The following CPSF3 variants were observed in gnomAD, a reference collection of about 807,000 sequenced individuals.
The protein encoded by CPSF3 is cleavage and polyadenylation specific factor 3.
A neutral mutation model predicts 84.1 loss-of-function variants in CPSF3; 57 were observed. The ratio of observed to expected loss-of-function variants is 0.68; its 90% CI spans 0.55 to 0.85. The LOEUF is 0.85. Ranked by LOEUF, CPSF3 falls within the 40% of genes least tolerant of loss-of-function variation. CPSF3 has a pLI of 0.00. For synonymous variants in CPSF3, 275 were observed against 278.1 expected, an observed-to-expected ratio of 0.99 and a Z score of 0.11; for missense variants, 522 against 838.8, an observed-to-expected ratio of 0.62 and a Z score of 4.66.
At chr2:9,427,531 C>G (rs1426655737) in intron 1 of CPSF3, among the ~76,000 whole-genome samples, 1 of 152,096 alleles carries the variant, frequency 6.6e-6, no homozygotes, top group African/African-American at 2.4e-5. Flanking sequence ...ACAATAATTA[C>G]AAATAAAAAA....
rs1236989754 is a variant in CPSF3, at chr2:9,444,864, C to A, written c.1242+1203C>A. On this transcript the variant is annotated intron_variant, in intron 10 of 17. Transcript: ENST00000238112. ...TATTTGTAGTAGAGACAGGTTTTCA[C>A]CATGTTGGCCAGGCTGTTCTCAAAC... 3.9e-5 allele frequency among the ~76,000 whole-genome samples: 6 copies of A among 152,056 alleles called. No homozygotes were observed. In the East Asian group the frequency reaches 1.2e-3, roughly 29 times the overall value.
chr2:9,454,267 G>T (rs1212795433), intron 12 of CPSF3, among the ~76,000 whole-genome samples: 6 of 151,418 alleles, frequency 4.0e-5, no homozygotes, highest in Admixed American at 3.9e-4. Context: ...AATTAGCTGG[G>T]TGTGGTGGCA....
chr2:9,466,284 GCGCA>G (rs1681936133), intron 15 of CPSF3, among the ~76,000 whole-genome samples: 1 of 104,456 alleles, frequency 9.6e-6, no homozygotes, highest in Admixed American at 9.2e-5. Context: ...GCACACACGT[GCGCA>G]CACAGACGCA....
intron 5 of CPSF3, 48 bp downstream of exon 5, chr2:9,432,736 G>C (rs1418915634): frequency 7.1e-7 from 1 of 1,403,176 alleles, no homozygotes; most frequent in East Asian, 2.4e-5. Context: ...TCAGTACAGA[G>C]CTTTGTGCCA....
chr2:9,432,876 C>A (rs1680641544), intron 5 of CPSF3, among the ~76,000 whole-genome samples, 188 bp downstream of exon 5: 1 of 151,886 alleles, frequency 6.6e-6, no homozygotes, highest in African/African-American at 2.4e-5. Flanking sequence ...ACAATACTTT[C>A]TTTATCAAGA....
chr2:9,444,652 G>A (rs545748280), intron 10 of CPSF3, among the ~76,000 whole-genome samples: 1 of 112,284 alleles, frequency 8.9e-6, no homozygotes, highest in East Asian at 2.0e-4. Flanking sequence ...TGTTTGGGGT[G>A]TTTTTTGGTT....
At chr2:9,469,258 G>C (rs1305738908) in intron 16 of CPSF3, among the ~76,000 whole-genome samples, 2 of 152,080 alleles carry the variant, frequency 1.3e-5, no homozygotes, top group African/African-American at 2.4e-5. Context: ...AAGGCTGTGG[G>C]GCGGGGGCAG....
intron 10 of CPSF3, among the ~76,000 whole-genome samples, chr2:9,447,253 G>A (rs1478178690): frequency 5.9e-5 from 9 of 152,214 alleles, no homozygotes; most frequent in Non-Finnish European, 1.2e-4. Flanking sequence ...GCCAAGATGG[G>A]CAGATCACTT....
intron 15 of CPSF3, among the ~76,000 whole-genome samples, chr2:9,466,370 A>G (rs1399139950): frequency 2.8e-5 from 4 of 141,638 alleles, no homozygotes; most frequent in Admixed American, 1.4e-4. Flanking sequence ...ACACGCACAC[A>G]CCCACGCACT....
chr2:9,446,713 C>T (rs576917267), intron 10 of CPSF3, among the ~76,000 whole-genome samples: 3 of 151,704 alleles, frequency 2.0e-5, no homozygotes, highest in South Asian at 2.1e-4. Context: ...GCCAAGATCA[C>T]GACACTGCAC....
chr2:9,443,087 C>T (rs1156906525), intron 9 of CPSF3, among the ~76,000 whole-genome samples: 1 of 152,124 alleles, frequency 6.6e-6, no homozygotes, highest in East Asian at 1.9e-4. Flanking sequence ...TGCTTGAACC[C>T]AGGAGGTCGA....
chr2:9,441,496 C>T (rs1022767422), intron 8 of CPSF3, among the ~76,000 whole-genome samples: 3 of 152,148 alleles, frequency 2.0e-5, no homozygotes, highest in African/African-American at 7.2e-5. Flanking sequence ...GATCAAGACC[C>T]ATTTGACTCT....
chr2:9,446,580 CAA>C (rs71389245), intron 10 of CPSF3, among the ~76,000 whole-genome samples: 1,186 of 89,132 alleles, frequency 0.013, 17 homozygotes, highest in African/African-American at 0.048. Flanking sequence ...GACTCGGTCT[CAA>C]AAAAAAAAAA....
intron 7 of CPSF3, among the ~76,000 whole-genome samples, chr2:9,437,263 G>A (rs1299035797): frequency 1.3e-5 from 2 of 152,120 alleles, no homozygotes; most frequent in African/African-American, 4.8e-5. Context: ...AATGAGCCAG[G>A]TGTGGTGGCA....
rs550962128 is a variant in CPSF3 at position 9,467,701 on chromosome 2, T to A, written c.1787-6T>A. Reference sequence around the variant, plus strand: ...CTGAACTCTCTGTCGCTTTTTTTTTTCCCAGGTGCAGTACAGAAGGTTTCT... The same window carrying A: ...CTGAACTCTCTGTCGCTTTTTTTTTACCCAGGTGCAGTACAGAAGGTTTCT... On this transcript the variant is annotated splice_region_variant and splice_polypyrimidine_tract_variant and intron_variant, in intron 15 of 17. Coordinates refer to ENST00000238112, the MANE Select transcript of CPSF3 (RefSeq NM_016207.4). 1.3e-6 allele frequency: 2 copies of A among 1,597,932 alleles called. No homozygotes were observed. Among genetic ancestry groups the A allele is most frequent in the Admixed American group, 1.8e-5 (1 of 57,128 alleles).
chr2:9,431,599 C>A, intron 4 of CPSF3, among the ~76,000 whole-genome samples: 1 of 136,962 alleles, frequency 7.3e-6, no homozygotes, highest in Non-Finnish European at 1.5e-5. Flanking sequence ...GGCTGGAGTG[C>A]AGTGGCGCTA....
In CPSF3 at chr2:9,441,973, C is replaced by G; in HGVS notation, c.1092C>G (p.Ala364=). Residue 364 remains alanine (A), a synonymous_variant, in exon 9 of 18, where the codon GCC becomes GCG. Coordinates refer to ENST00000238112, the MANE Select transcript of CPSF3 (RefSeq NM_016207.4). ...GATACTGTGTAGAAGGGACACTTGC[C>G]AAGGTCAGTTACAGTCATAGGCTGT... ...IAGYCVEGTL[A]KHIMSEPEEI... The G allele has an allele frequency of 6.2e-7, 1 of 1,613,996 alleles. No individual in the cohort carries two copies. Among genetic ancestry groups the G allele is most frequent in the South Asian group, 1.1e-5 (1 of 91,068 alleles).
chr2:9,448,759 G>C (rs1004370532), intron 11 of CPSF3, among the ~76,000 whole-genome samples: 1 of 152,122 alleles, frequency 6.6e-6, no homozygotes, highest in African/African-American at 2.4e-5. Context: ...GTTTCACCAC[G>C]TTGGCCAGGA....
chr2:9,472,766 C>T (rs1682222381), intron 17 of CPSF3, 150 bp from the exon 18 acceptor site: 1 of 668,648 alleles, frequency 1.5e-6, no homozygotes, highest in Non-Finnish European at 2.7e-6. Flanking sequence ...GATCCTCCCA[C>T]CTCAGACTCT....
Sources: allele counts gnomAD v4.1 joint callset (sites outside exome capture counted in the v4.1 genomes callset), GRCh38; gene constraint gnomAD v4.1.1; transcripts MANE v1.5; gene names NCBI Gene and HGNC (gene_info 2026-07-23, HGNC 2026-07-21).